The following CA14 variants were observed in gnomAD, a reference collection of about 807,000 sequenced individuals.
CA14 encodes the protein CA-XIV.
Under a neutral mutation model 48.8 loss-of-function variants are expected in CA14, and 44 were observed. The ratio of observed to expected loss-of-function variants is 0.90; its 90% confidence interval spans 0.71 to 1.16. The LOEUF is 1.16. Among genes scored for constraint, CA14 ranks in the 50% most tolerant of loss-of-function variants. The pLI, the probability that CA14 is intolerant of heterozygous loss-of-function variation, is 0.00. For synonymous variants in CA14, 154 were observed against 155.0 expected, an observed-to-expected ratio of 0.99 and a Z score of 0.05; for missense variants, 386 against 401.0, an observed-to-expected ratio of 0.96 and a Z score of 0.32.
intron 2 of CA14, chr1:150,260,436 G>A: frequency 1.8e-6 from 1 of 551,706 alleles, no homozygotes; most frequent in African/African-American, 1.9e-5. Flanking sequence ...GGGTGGAAAG[G>A]AAGCTGGGTG....
At chr1:150,260,751 G>GATTT (rs1168655049) in intron 2 of CA14, 32,788 of 104,790 alleles carry the variant, frequency 0.31, 11,232 homozygotes, top group Non-Finnish European at 0.4. Context: ...ATCTCTCTAG[G>GATTT]TTATTTTTTT....
At chr1:150,263,572 G>T in intron 8 of CA14, 87 bp from the exon 9 acceptor site, 1 of 1,611,906 alleles carries the variant, frequency 6.2e-7, no homozygotes, top group Admixed American at 1.7e-5. Context: ...GCCCCCGGGG[G>T]ATTCTCCCAG....
chr1:150,258,611 C>G (rs779884106), intron 1 of CA14, among the ~76,000 whole-genome samples: 11 of 152,224 alleles, frequency 7.2e-5, no homozygotes, highest in Non-Finnish European at 1.6e-4. Flanking sequence ...CTGCCCAACT[C>G]AGACCCTGAT....
At chr1:150,262,766 G>A (rs1553848185) in intron 5 of CA14, 38 bp from the exon 6 acceptor site, 2 of 1,512,364 alleles carry the variant, frequency 1.3e-6, no homozygotes, top group South Asian at 1.1e-5. Flanking sequence ...TCCAAACATG[G>A]ACTCATTCCA....
chr1:150,258,747 C>T (rs1650752870), intron 1 of CA14, among the ~76,000 whole-genome samples: 1 of 152,218 alleles, frequency 6.6e-6, no homozygotes, highest in Non-Finnish European at 1.5e-5. Flanking sequence ...TTACAAAGGA[C>T]TTTCAGGAGC....
In CA14 at chr1:150,265,029, G is replaced by A. The variant is rs1553849208; in HGVS notation, c.*370G>A. The stretch of plus-strand genomic sequence containing the variant: ...CTTAGGATAAAGAGTTGCTGTTGAA[G>A]TTGTATATTTTTGATCAATATATTT... On this transcript the variant is annotated 3_prime_UTR_variant, in exon 11 of 11. Transcript: ENST00000369111. 1 of 162,712 alleles carries A rather than the reference G, an allele frequency of 6.1e-6. No individual in the cohort carries two copies. Among genetic ancestry groups the A allele is most frequent in the African/African-American group, 2.4e-5 (1 of 41,818 alleles). 10.1% of individuals were successfully genotyped at this position (162,712 alleles called of 1,614,324 possible). A position where few individuals can be genotyped will look rare whatever the true frequency, so the allele number is the denominator to read the frequency against.
Position 150,261,179 on chromosome 1 carries a change from T to C in CA14, c.77-280T>C, listed in dbSNP as rs1650998900. The stretch of plus-strand genomic sequence containing the variant: ...TCATTCAGCTTTCTTGTCCTCAAAA[T>C]ACAGGTAAGTAAAAGAGCTACCACT... On this transcript the variant is annotated intron_variant, in intron 2 of 10. Coordinates refer to ENST00000369111, the MANE Select transcript of CA14 (RefSeq NM_012113.3). 1.1e-5 allele frequency: 5 copies of C among 441,354 alleles called. No individual in the cohort carries two copies. The South Asian group carries it at 1.7e-4, about 15-fold the overall frequency. 27.3% of individuals were successfully genotyped at this position (441,354 alleles called of 1,614,324 possible).
chr1:150,264,621 G>A lies in CA14; in HGVS notation c.976G>A (p.Val326Met). 6.2e-7 allele frequency: 1 copy of A among 1,612,900 alleles called. No homozygotes were observed. The highest frequency in any genetic ancestry group is 8.5e-7 in the Non-Finnish European group (1 of 1,179,020). ...RKKRLENRKS[V>M]VFTSAQATTE... Reference sequence around the variant, plus strand: ...GAAGAGGCTGGAAAACCGAAAGAGTGTGGTCTTCACCTCAGCACAAGCCAC... The same window carrying A: ...GAAGAGGCTGGAAAACCGAAAGAGTATGGTCTTCACCTCAGCACAAGCCAC... Residue 326 changes from valine (V) to methionine (M), a missense_variant, in exon 11 of 11, where the codon GTG (valine) becomes ATG (methionine). Coordinates refer to ENST00000369111, the MANE Select transcript of CA14 (RefSeq NM_012113.3).
In CA14 at chr1:150,262,271, C is replaced by A. The variant is rs782002426; in HGVS notation, c.370C>A (p.Gln124Lys). 6.2e-7 allele frequency: 1 copy of A among 1,606,572 alleles called. No homozygotes were observed. Among genetic ancestry groups the A allele is most frequent in the East Asian group, 2.2e-5 (1 of 44,856 alleles). Residue 124 changes from glutamine to lysine, a missense_variant, in exon 4 of 11, where the codon CAG (glutamine) becomes AAG (lysine). Physicochemically the swap from Gln to Lys is moderately conservative, Grantham distance 53. Transcript: ENST00000369111. ...QKGSPGGSEH[Q>K]INSEATFAEL... is the part of the protein sequence containing the mutation. ...AGGATCCCCAGGGGGGTCAGAACAC[C>A]AGATCAACAGTGAAGCCACATTTGC...
At chr1:150,263,729 G>C (rs1553848610) in intron 9 of CA14, 50 bp downstream of exon 9, 2 of 1,612,848 alleles carry the variant, frequency 1.2e-6, no homozygotes, top group Non-Finnish European at 1.7e-6. Flanking sequence ...TCCTCACCGA[G>C]TGGGGGAAAG....
chr1:150,261,620 C>T lies in CA14; in HGVS notation c.238C>T (p.His80Tyr). 6.2e-7 allele frequency: 1 copy of T among 1,613,954 alleles called. No homozygotes were observed. The highest frequency in any genetic ancestry group is 8.5e-7 in the Non-Finnish European group (1 of 1,179,898). ...GCCTGGCACCGAGCCTTTGGACCTG[C>T]ACAACAATGGCCACACAGGTAAAAG... is the stretch of plus-strand genomic sequence containing the variant. ...DQPGTEPLDL[H>Y]NNGHTVQLSL... is the part of the protein sequence containing the mutation. The change falls in exon 3 of 11, where the codon CAC (histidine) becomes TAC (tyrosine). Residue 80 changes from histidine (H) to tyrosine (Y), a missense_variant. By Grantham distance (83) the His-to-Tyr change is moderately conservative. Coordinates refer to ENST00000369111, the MANE Select transcript of CA14 (RefSeq NM_012113.3).
chr1:150,262,761 A>G lies in CA14; in HGVS notation c.496-43A>G, dbSNP rs374082639. The G allele has an allele frequency of 2.0e-6, 3 of 1,504,080 alleles. No individual in the cohort carries two copies. The African/African-American group carries it at 4.1e-5, about 21-fold the overall frequency. The allele number at this position is 1,504,080 out of a possible 1,614,324, so 93.2% of individuals were successfully genotyped here. A position where few individuals can be genotyped will look rare whatever the true frequency, so the allele number is the denominator to read the frequency against. The stretch of plus-strand genomic sequence containing the variant: ...TCTGTACATAAATTTCTTATTCCAA[A>G]CATGGACTCATTCCAAACTCTCTCC... On this transcript the variant is annotated intron_variant, in intron 5 of 10. Transcript: ENST00000369111.
chr1:150,264,718 C>A lies in CA14; in HGVS notation c.*59C>A. 1 of 1,365,012 alleles carries A rather than the reference C, an allele frequency of 7.3e-7. No homozygotes were observed. Among genetic ancestry groups the A allele is most frequent in the South Asian group, 1.2e-5 (1 of 83,300 alleles). 84.6% of individuals were successfully genotyped at this position (1,365,012 alleles called of 1,614,324 possible). On this transcript the variant is annotated 3_prime_UTR_variant, in exon 11 of 11. Coordinates refer to ENST00000369111, the MANE Select transcript of CA14 (RefSeq NM_012113.3). ...TCCCTTCATGCCTATCAGGAAGCCTCTAAAATGGGGTGTAGGATCTGGCCA... is the reference window on the plus strand; with the variant it reads ...TCCCTTCATGCCTATCAGGAAGCCTATAAAATGGGGTGTAGGATCTGGCCA...
chr1:150,260,206 C>G (rs1553847500), intron 2 of CA14, 35 bp downstream of exon 2: 4 of 1,609,120 alleles, frequency 2.5e-6, no homozygotes, highest in Non-Finnish European at 3.4e-6. Context: ...ACAACCCTTT[C>G]ACACTGGGAC....
At chr1:150,261,420 C>G in intron 2 of CA14, 39 bp from the exon 3 acceptor site, 1 of 1,586,610 alleles carries the variant, frequency 6.3e-7, no homozygotes, top group Non-Finnish European at 8.6e-7. Flanking sequence ...GTAGCTAGAG[C>G]TGGAGGACAG....
intron 2 of CA14, 135 bp from the exon 3 acceptor site, chr1:150,261,324 T>G (rs1237444948): frequency 1.4e-6 from 1 of 732,996 alleles, no homozygotes; most frequent in African/African-American, 1.8e-5. Flanking sequence ...GGTCTTAACC[T>G]GGGTGGAGGG....
In CA14 at chr1:150,263,161, A is replaced by T. The variant is rs1651232653; in HGVS notation, c.682A>T (p.Thr228Ser). Residue 228 changes from threonine to serine, a missense_variant, in exon 7 of 11, where the codon ACA (threonine) becomes TCA (serine). Coordinates refer to ENST00000369111, the MANE Select transcript of CA14 (RefSeq NM_012113.3). Reference sequence around the variant, plus strand: ...CCCTTGCTACCAGAGTGTGCTCTGGACAGTTTTTTATAGAAGGTCCCAGAT... The same window carrying T: ...CCCTTGCTACCAGAGTGTGCTCTGGTCAGTTTTTTATAGAAGGTCCCAGAT... The part of the protein sequence containing the change: ...TPPCYQSVLW[T>S]VFYRRSQISM... 2 of 1,613,966 alleles carry T rather than the reference A, an allele frequency of 1.2e-6. No homozygotes were observed. Among genetic ancestry groups the T allele is most frequent in the Non-Finnish European group, 1.7e-6 (2 of 1,180,012 alleles).
chr1:150,264,923 G>C lies in CA14; in HGVS notation c.*264G>C, dbSNP rs1245010162. 6 of 310,210 alleles carry C rather than the reference G, an allele frequency of 1.9e-5. No individual in the cohort carries two copies. The South Asian group carries it at 4.5e-4, about 23-fold the overall frequency. The allele number at this position is 310,210 out of a possible 1,614,324, so 19.2% of individuals were successfully genotyped here. A position where few individuals can be genotyped will look rare whatever the true frequency, so the allele number is the denominator to read the frequency against. On this transcript the variant is annotated 3_prime_UTR_variant, in exon 11 of 11. Transcript: ENST00000369111. ...AGAGAACAAACTCTGTTTAGTTGCA[G>C]GGGAAGTTTGGGATATACCCCAAAG...
At chr1:150,259,240 G>A (rs1553847305) in intron 1 of CA14, among the ~76,000 whole-genome samples, 1 of 152,046 alleles carries the variant, frequency 6.6e-6, no homozygotes, top group African/African-American at 2.4e-5. Flanking sequence ...GAGAGAGGAA[G>A]GAATTTAGGA....
Sources: allele counts gnomAD v4.1 joint callset (sites outside exome capture counted in the v4.1 genomes callset), GRCh38; gene constraint gnomAD v4.1.1; transcripts MANE v1.5; gene names NCBI Gene and HGNC (gene_info 2026-07-23, HGNC 2026-07-21).